Variants in DNASE1 observed in about 807,000 individuals in gnomAD.
The protein encoded by DNASE1 is deoxyribonuclease-1.
DNASE1 carries 40 observed loss-of-function variants against 33.9 expected under a neutral mutation model. That is an observed-to-expected ratio of 1.18 (90% confidence interval 0.92 to 1.54). The LOEUF is 1.54. Among genes scored for constraint, DNASE1 ranks in the 40% most tolerant of loss-of-function variants. DNASE1 has a pLI of 0.00. For synonymous variants in DNASE1, 216 were observed against 160.0 expected (o/e 1.35, Z -2.64); for missense variants, 518 against 372.6 (o/e 1.39, Z -3.21).
At chr16:3,613,480 A>G (rs1241201131) in intron 1 of DNASE1, among the ~76,000 whole-genome samples, 1 of 152,226 alleles carries the variant, frequency 6.6e-6, no homozygotes, top group African/African-American at 2.4e-5. Context: ...ATTACTGGGT[A>G]AGACTACATT....
In DNASE1 at chr16:3,655,380, G is replaced by A. The variant is rs200484716; in HGVS notation, c.7G>A (p.Gly3Ser). The change falls in exon 2 of 9, where the codon GGC (glycine) becomes AGC (serine). Residue 3 changes from glycine to serine, a missense_variant. Physicochemically the swap from Gly to Ser is moderately conservative, Grantham distance 56. Transcript: ENST00000246949. Reference sequence around the variant, plus strand: ...TGCCCTGTGCTCTCCCAGGATGAGGGGCATGAAGCTGCTGGGGGCGCTGCT... The same window carrying A: ...TGCCCTGTGCTCTCCCAGGATGAGGAGCATGAAGCTGCTGGGGGCGCTGCT... The part of the protein sequence containing the change: MR[G>S]MKLLGALLAL... 1.9e-6 allele frequency: 3 copies of A among 1,614,172 alleles called. No homozygotes were observed. The highest frequency in any genetic ancestry group is 1.3e-5 in the African/African-American group (1 of 75,066).
intron 1 of DNASE1, among the ~76,000 whole-genome samples, chr16:3,630,154 T>TG (rs2041651748): frequency 6.6e-6 from 1 of 151,644 alleles, no homozygotes; most frequent in African/African-American, 2.4e-5. Context: ...TGTGTGTGTG[T>TG]TTGTTGTTGT....
At chr16:3,639,911 A>C (rs1230250130), upstream of DNASE1, among the ~76,000 whole-genome samples, 2 of 152,216 alleles carry the variant, frequency 1.3e-5, no homozygotes, top group African/African-American at 4.8e-5. Context: ...AAAATGAAAT[A>C]AATTATTGGC....
chr16:3,665,093 G>A (rs913751740), exon 10 of DNASE1: 1 of 152,468 alleles, frequency 6.6e-6, no homozygotes, highest in African/African-American at 2.4e-5. Flanking sequence ...GGTCTGCATT[G>A]ATAAGACATG....
chr16:3,620,864 A>G (rs1251423458), intron 1 of DNASE1, among the ~76,000 whole-genome samples: 1 of 151,888 alleles, frequency 6.6e-6, no homozygotes, highest in African/African-American at 2.4e-5. Context: ...GCAGTGGCGC[A>G]ATGCCGGCTC....
At chr16:3,645,658 G>A (rs1048375194) in intron 1 of DNASE1, among the ~76,000 whole-genome samples, 5 of 152,232 alleles carry the variant, frequency 3.3e-5, no homozygotes, top group Admixed American at 6.5e-5. Flanking sequence ...GGCGAGTGCT[G>A]ACATTCCATA....
At chr16:3,645,560 A>C (rs1207824913) in intron 1 of DNASE1, among the ~76,000 whole-genome samples, 2 of 152,246 alleles carry the variant, frequency 1.3e-5, no homozygotes, top group Non-Finnish European at 2.9e-5. Flanking sequence ...AAGCGGCAGC[A>C]CTGGGAGCGT....
intron 1 of DNASE1, among the ~76,000 whole-genome samples, chr16:3,622,425 G>T (rs1283836528): frequency 6.6e-6 from 1 of 151,998 alleles, no homozygotes; most frequent in East Asian, 1.9e-4. Flanking sequence ...AAAGCTACTT[G>T]TTTACCTATG....
At chr16:3,623,205 T>A (rs75322930) in intron 1 of DNASE1, among the ~76,000 whole-genome samples, 219 of 152,258 alleles carry the variant, frequency 1.4e-3, no homozygotes, top group Non-Finnish European at 2.6e-3. Flanking sequence ...TGCAACCAAC[T>A]GATCTTCAAT....
At chr16:3,631,309 A>G (rs867787123) in intron 1 of DNASE1, among the ~76,000 whole-genome samples, 2 of 151,380 alleles carry the variant, frequency 1.3e-5, no homozygotes, top group Non-Finnish European at 1.5e-5. Context: ...GATTCAAGGA[A>G]TTTTCCTGCC....
At chr16:3,632,881 C>T (rs1261357560) in intron 1 of DNASE1, among the ~76,000 whole-genome samples, 1 of 152,194 alleles carries the variant, frequency 6.6e-6, no homozygotes, top group Non-Finnish European at 1.5e-5. Flanking sequence ...CAACTGTGCC[C>T]AGCCTCATCT....
chr16:3,655,502 C>G lies in DNASE1; in HGVS notation c.129C>G (p.Leu43=), dbSNP rs768214589. ...AGACCAAGATGTCCAATGCCACCCT[C>G]GTCAGCTACATTGTGCAGGTGAGGC... ...FGETKMSNAT[L]VSYIVQILSR... is the part of the protein sequence containing the mutation. The change falls in exon 2 of 9, where the codon CTC becomes CTG. Residue 43 remains leucine (L), a synonymous_variant. Transcript: ENST00000246949. 3.1e-6 allele frequency: 5 copies of G among 1,614,020 alleles called. No individual in the cohort carries two copies. Among genetic ancestry groups the G allele is most frequent in the Non-Finnish European group, 4.2e-6 (5 of 1,180,044 alleles).
intron 1 of DNASE1, among the ~76,000 whole-genome samples, chr16:3,630,070 C>T (rs1011154614): frequency 2.2e-4 from 34 of 152,194 alleles, no homozygotes; most frequent in African/African-American, 8.0e-4. Flanking sequence ...CTGCCCACCT[C>T]GGCCTCCCAA....
At chr16:3,629,906 T>C (rs182095617) in intron 1 of DNASE1, among the ~76,000 whole-genome samples, 35 of 152,300 alleles carry the variant, frequency 2.3e-4, no homozygotes, top group African/African-American at 8.4e-4. Flanking sequence ...CTCTGCTTCC[T>C]GGGTTCAAGC....
At chr16:3,647,350 T>C (rs908945907) in intron 1 of DNASE1, among the ~76,000 whole-genome samples, 10 of 151,752 alleles carry the variant, frequency 6.6e-5, no homozygotes, top group Non-Finnish European at 1.5e-5. Flanking sequence ...CATGGCCCAT[T>C]ACAGCTTTTA....
intron 7 of DNASE1, 123 bp from the exon 8 acceptor site, chr16:3,657,597 C>CAGTT (rs2151225836): frequency 2.2e-6 from 3 of 1,368,614 alleles, no homozygotes; most frequent in East Asian, 5.0e-5. Context: ...CCAGGGTGTG[C>CAGTT]AGTTTTGGGC....
downstream of DNASE1, chr16:3,661,875 GT>G: frequency 7.4e-7 from 1 of 1,352,874 alleles, no homozygotes; most frequent in Non-Finnish European, 9.8e-7. Context: ...TTACCCACAT[GT>G]CCACAGGCCT....
intron 2 of DNASE1, among the ~76,000 whole-genome samples, 156 bp downstream of exon 2, chr16:3,655,676 G>T (rs2042559149): frequency 6.6e-6 from 1 of 152,206 alleles, no homozygotes; most frequent in African/African-American, 2.4e-5. Context: ...TGTGGACCAA[G>T]GTCCTCATCC....
chr16:3,643,457 A>G (rs548604944), intron 1 of DNASE1, among the ~76,000 whole-genome samples: 21 of 152,352 alleles, frequency 1.4e-4, no homozygotes, highest in African/African-American at 4.8e-4. Flanking sequence ...GGGACAAGCC[A>G]CAGCTGGGCT....
Sources: allele counts gnomAD v4.1 joint callset (sites outside exome capture counted in the v4.1 genomes callset), GRCh38; gene constraint gnomAD v4.1.1; transcripts MANE v1.5; gene names NCBI Gene and HGNC (gene_info 2026-07-23, HGNC 2026-07-21).